The following PLEKHA8 variants were observed in gnomAD, a reference collection of about 807,000 sequenced individuals.
The protein encoded by PLEKHA8 is pleckstrin homology domain containing A8.
In PLEKHA8, 36 loss-of-function variants were observed where a neutral mutation model predicts 68.2. The observed-to-expected ratio is 0.53, with a 90% CI of 0.40 to 0.70. The LOEUF (loss-of-function observed/expected upper bound fraction) is 0.70, where lower values mean the gene tolerates loss of function less well. Ranked by LOEUF, PLEKHA8 falls within the 30% of genes least tolerant of loss-of-function variation. The pLI, the probability that PLEKHA8 is intolerant of heterozygous loss-of-function variation, is 0.00. For missense variants in PLEKHA8, 505 were observed against 615.4 expected (o/e 0.82, Z 1.90); for synonymous variants, 211 against 216.1 (o/e 0.98, Z 0.20).
At chr7:30,105,479 G>A (rs1034093465) in intron 13 of PLEKHA8, among the ~76,000 whole-genome samples, 3 of 152,054 alleles carry the variant, frequency 2.0e-5, no homozygotes, top group Admixed American at 6.5e-5. Flanking sequence ...GCGAAATCTT[G>A]TCTCAAAAAA....
intron 1 of PLEKHA8, among the ~76,000 whole-genome samples, chr7:30,044,022 G>A (rs1583790581): frequency 6.6e-6 from 1 of 151,246 alleles, no homozygotes; most frequent in East Asian, 1.9e-4. Flanking sequence ...CGCAGAGATA[G>A]TCAGGGATGA....
intron 12 of PLEKHA8, among the ~76,000 whole-genome samples, chr7:30,067,666 TTA>T (rs1450473717): frequency 2.7e-5 from 4 of 146,440 alleles, no homozygotes; most frequent in Admixed American, 7.1e-5. Flanking sequence ...TGCTATATAT[TTA>T]TGTGTCCATA....
intron 1 of PLEKHA8, among the ~76,000 whole-genome samples, chr7:30,041,148 T>C (rs567236126): frequency 1.2e-4 from 19 of 152,360 alleles, no homozygotes; most frequent in Middle Eastern, 3.4e-3. Context: ...TGTGTCCTAA[T>C]ACTAATCTGA....
chr7:30,053,976 A>G (rs1792621426), intron 7 of PLEKHA8, among the ~76,000 whole-genome samples: 1 of 152,204 alleles, frequency 6.6e-6, no homozygotes, highest in Non-Finnish European at 1.5e-5. Flanking sequence ...CTCACGGTGA[A>G]CAGCACTATT....
intron 13 of PLEKHA8, among the ~76,000 whole-genome samples, chr7:30,118,794 A>G (rs989062715): frequency 2.0e-5 from 3 of 151,564 alleles, no homozygotes; most frequent in Non-Finnish European, 2.9e-5. Context: ...AGCCAGGATG[A>G]TCTCGATCTC....
At chr7:30,075,192 T>G (rs780708436) in intron 13 of PLEKHA8, 4 of 152,198 alleles carry the variant, frequency 2.6e-5, no homozygotes, top group Non-Finnish European at 4.4e-5. Flanking sequence ...GTGGGAAGAA[T>G]GTACACTACA....
At chr7:30,057,893 A>C (rs1793122583) in intron 9 of PLEKHA8, among the ~76,000 whole-genome samples, 1 of 152,200 alleles carries the variant, frequency 6.6e-6, no homozygotes, top group Admixed American at 6.5e-5. Flanking sequence ...AAACTGCCAG[A>C]CAGTTATAAT....
Position 30,079,424 on chromosome 7 carries a change from T to G in PLEKHA8, c.*637T>G. 1 of 985,558 alleles carries G rather than the reference T, an allele frequency of 1.0e-6. No homozygotes were observed. Among genetic ancestry groups the G allele is most frequent in the Non-Finnish European group, 1.2e-6 (1 of 830,102 alleles). The allele number at this position is 985,558 out of a possible 1,614,324, so 61.1% of individuals were successfully genotyped here. A position where few individuals can be genotyped will look rare whatever the true frequency, so the allele number is the denominator to read the frequency against. ...GCATGAAACCGTTGCTCTGAGAAGA[T>G]TAATGGTGTGCCCTAGCCCCAAGTT... On this transcript the variant is annotated 3_prime_UTR_variant, in exon 14 of 14. Transcript: ENST00000449726.
At chr7:30,124,949 A>G (rs1395007226) in intron 13 of PLEKHA8, among the ~76,000 whole-genome samples, 1 of 152,098 alleles carries the variant, frequency 6.6e-6, no homozygotes, top group Non-Finnish European at 1.5e-5. Flanking sequence ...AAAAATAAAA[A>G]AAATCAGAAT....
intron 11 of PLEKHA8, 44 bp from the exon 12 acceptor site, chr7:30,062,628 A>G: frequency 6.9e-7 from 1 of 1,445,070 alleles, no homozygotes; most frequent in Non-Finnish European, 9.7e-7. Flanking sequence ...CACTCAACAT[A>G]AGTGAACTTT....
chr7:30,056,052 C>T (rs1316591800), intron 9 of PLEKHA8, among the ~76,000 whole-genome samples: 18 of 150,500 alleles, frequency 1.2e-4, no homozygotes, highest in African/African-American at 4.4e-4. Flanking sequence ...ATGCTGTTCT[C>T]CTGCCTCAGC....
chr7:30,050,092 A>G (rs1272360038), intron 5 of PLEKHA8, among the ~76,000 whole-genome samples: 1 of 152,188 alleles, frequency 6.6e-6, no homozygotes, highest in East Asian at 1.9e-4. Flanking sequence ...TATTTGATAT[A>G]ATACTTGTGT....
chr7:30,049,617 T>G (rs1792247437), intron 5 of PLEKHA8, among the ~76,000 whole-genome samples: 1 of 152,246 alleles, frequency 6.6e-6, no homozygotes, highest in Non-Finnish European at 1.5e-5. Context: ...CCCTTGTCAG[T>G]GAGTCTTGCC....
At chr7:30,067,544 A>G (rs997402024) in intron 12 of PLEKHA8, among the ~76,000 whole-genome samples, 1 of 152,212 alleles carries the variant, frequency 6.6e-6, no homozygotes, top group Non-Finnish European at 1.5e-5. Context: ...AAATAGTTCA[A>G]TACAGTTAAG....
intron 12 of PLEKHA8, among the ~76,000 whole-genome samples, chr7:30,068,173 C>T (rs569286803): frequency 6.6e-6 from 1 of 152,326 alleles, no homozygotes; most frequent in East Asian, 1.9e-4. Flanking sequence ...CTCTGTAGGC[C>T]TGACTTGAGG....
At chr7:30,116,188 G>C (rs1216324577) in intron 13 of PLEKHA8, among the ~76,000 whole-genome samples, 1 of 147,570 alleles carries the variant, frequency 6.8e-6, no homozygotes, top group Non-Finnish European at 1.5e-5. Context: ...GTATACATAC[G>C]CATACATACA....
chr7:30,079,216 A>G lies in PLEKHA8; in HGVS notation c.*429A>G. 1.0e-6 allele frequency: 1 copy of G among 1,001,578 alleles called. No individual in the cohort carries two copies. The allele number at this position is 1,001,578 out of a possible 1,614,324, so 62.0% of individuals were successfully genotyped here. ...CTTAGACTAGACATTTGGAGGTAGT[A>G]TAAGCTGCTTTGTTGAAGCTGTGTA... On this transcript the variant is annotated 3_prime_UTR_variant, in exon 14 of 14. Transcript: ENST00000449726.
At chr7:30,072,948 C>T (rs1304433068) in intron 12 of PLEKHA8, among the ~76,000 whole-genome samples, 1 of 151,774 alleles carries the variant, frequency 6.6e-6, no homozygotes, top group Non-Finnish European at 1.5e-5. Flanking sequence ...ATCTGTGCCT[C>T]CTGAGAATGC....
chr7:30,104,524 C>T (rs965611431), intron 13 of PLEKHA8, among the ~76,000 whole-genome samples: 1 of 152,062 alleles, frequency 6.6e-6, no homozygotes. Flanking sequence ...TAGACAATAT[C>T]CAGCAGCTTA....
Sources: allele counts gnomAD v4.1 joint callset (sites outside exome capture counted in the v4.1 genomes callset), GRCh38; gene constraint gnomAD v4.1.1; transcripts MANE v1.5; gene names NCBI Gene and HGNC (gene_info 2026-07-23, HGNC 2026-07-21).